The following KCNB2 variants were observed in gnomAD, a reference collection of about 807,000 sequenced individuals.
KCNB2 encodes delayed rectifier potassium channel protein.
KCNB2 carries 15 observed loss-of-function variants against 61.5 expected under a neutral mutation model. That is an observed-to-expected ratio of 0.24 (90% CI 0.16 to 0.38). The LOEUF (loss-of-function observed/expected upper bound fraction) is 0.38. Ranked by LOEUF, KCNB2 falls within the 10% of genes least tolerant of loss-of-function variation. The pLI, the probability that KCNB2 is intolerant of heterozygous loss-of-function variation, is 1.00. For synonymous variants in KCNB2, 457 were observed against 446.0 expected, an observed-to-expected ratio of 1.02 and a Z score of -0.31; for missense variants, 828 against 1,125.2, an observed-to-expected ratio of 0.74 and a Z score of 3.78.
At chr8:72,723,470 G>A (rs1007158082) in intron 2 of KCNB2, among the ~76,000 whole-genome samples, 1 of 152,140 alleles carries the variant, frequency 6.6e-6, no homozygotes, top group African/African-American at 2.4e-5. Flanking sequence ...CAGACTGTGT[G>A]CGCTCTCACA....
chr8:72,543,953 CTAAA>C (rs1195913711), intron 1 of KCNB2, among the ~76,000 whole-genome samples: 6 of 152,234 alleles, frequency 3.9e-5, no homozygotes, highest in African/African-American at 1.4e-4. Flanking sequence ...TAGCGGCTGA[CTAAA>C]TACAAATAAA....
intron 2 of KCNB2, among the ~76,000 whole-genome samples, chr8:72,770,444 A>G (rs1432743247): frequency 6.6e-6 from 1 of 152,226 alleles, no homozygotes; most frequent in South Asian, 2.1e-4. Context: ...TGTTCATAAA[A>G]CAGAGTAAGA....
At chr8:72,745,060 A>T (rs1808034752) in intron 2 of KCNB2, among the ~76,000 whole-genome samples, 1 of 152,194 alleles carries the variant, frequency 6.6e-6, no homozygotes, top group South Asian at 2.1e-4. Context: ...CTGCTACTGC[A>T]GCTCTCTCTT....
At chr8:72,569,693 T>C (rs1003663471) in intron 2 of KCNB2, among the ~76,000 whole-genome samples, 2 of 152,120 alleles carry the variant, frequency 1.3e-5, no homozygotes, top group Non-Finnish European at 2.9e-5. Flanking sequence ...CTCTTTCCAA[T>C]ATCAAGTGTT....
chr8:72,651,716 G>A (rs4467978), intron 2 of KCNB2, among the ~76,000 whole-genome samples: 3 of 151,996 alleles, frequency 2.0e-5, no homozygotes, highest in Non-Finnish European at 2.9e-5. Context: ...ACATCCAGTC[G>A]ATCCAGTAAC....
chr8:72,644,923 A>C (rs1004085777), intron 2 of KCNB2, among the ~76,000 whole-genome samples: 2 of 152,198 alleles, frequency 1.3e-5, no homozygotes, highest in African/African-American at 4.8e-5. Flanking sequence ...GGTGATAGGC[A>C]TGTTGGCTTT....
intron 2 of KCNB2, among the ~76,000 whole-genome samples, chr8:72,832,078 G>T (rs61625890): frequency 6.6e-6 from 1 of 152,194 alleles, no homozygotes; most frequent in South Asian, 2.1e-4. Context: ...AGGAAAGACA[G>T]AATTTGAATC....
At chr8:72,652,046 A>G (rs1390486226) in intron 2 of KCNB2, among the ~76,000 whole-genome samples, 2 of 152,040 alleles carry the variant, frequency 1.3e-5, no homozygotes, top group Non-Finnish European at 2.9e-5. Context: ...TATAAATTTC[A>G]TCTCCATAAT....
chr8:72,637,200 G>T (rs1805980032), intron 2 of KCNB2, among the ~76,000 whole-genome samples: 1 of 152,088 alleles, frequency 6.6e-6, no homozygotes, highest in Non-Finnish European at 1.5e-5. Flanking sequence ...GGATGCGATG[G>T]TTTACTGCAC....
chr8:72,693,860 T>G (rs1806977628), intron 2 of KCNB2, among the ~76,000 whole-genome samples: 1 of 152,172 alleles, frequency 6.6e-6, no homozygotes, highest in South Asian at 2.1e-4. Context: ...AATCAGCAAA[T>G]TATCCTAAAT....
chr8:72,554,622 G>T (rs1806395257), intron 1 of KCNB2, among the ~76,000 whole-genome samples: 1 of 152,064 alleles, frequency 6.6e-6, no homozygotes, highest in South Asian at 2.1e-4. Flanking sequence ...TGCTGAAAAG[G>T]CCCTGGGAAG....
chr8:72,847,127 T>C (rs1436406127), intron 2 of KCNB2, among the ~76,000 whole-genome samples: 1 of 152,186 alleles, frequency 6.6e-6, no homozygotes, highest in African/African-American at 2.4e-5. Context: ...CACTGGGACC[T>C]GCAGACCGGA....
At chr8:72,671,839 AC>A (rs1261374028) in intron 2 of KCNB2, among the ~76,000 whole-genome samples, 1 of 152,200 alleles carries the variant, frequency 6.6e-6, no homozygotes, top group Non-Finnish European at 1.5e-5. Context: ...GAACATACTG[AC>A]AATAGCCTGC....
At chr8:72,704,500 G>GGTGTGTGTGTGT (rs10524175) in intron 2 of KCNB2, among the ~76,000 whole-genome samples, 54 of 147,648 alleles carry the variant, frequency 3.7e-4, no homozygotes, top group East Asian at 3.1e-3. Context: ...AGAGAAAGCT[G>GGTGTGTGTGTGT]GTGTGTGTGT....
At chr8:72,676,726 G>T (rs932812802) in intron 2 of KCNB2, among the ~76,000 whole-genome samples, 1 of 152,012 alleles carries the variant, frequency 6.6e-6, no homozygotes, top group African/African-American at 2.4e-5. Flanking sequence ...AGGTTAGTTG[G>T]GCAAGCAGGG....
intron 2 of KCNB2, among the ~76,000 whole-genome samples, chr8:72,669,381 T>A (rs1806527104): frequency 6.6e-6 from 1 of 152,216 alleles, no homozygotes; most frequent in African/African-American, 2.4e-5. Flanking sequence ...TGAATTTGAC[T>A]AATATATTTA....
At position 72,704,227 on chromosome 8, in the gene KCNB2, A is replaced by G. The variant is rs1211152683; in HGVS notation, c.579+135914A>G. On this transcript the variant is annotated intron_variant, in intron 2 of 2. Coordinates refer to ENST00000523207, the MANE Select transcript of KCNB2 (RefSeq NM_004770.3). ...TATATAAAGGTTGTAGGGCACTACCAAAGTGGAATGGCATTAATGACTACT... is the reference window on the plus strand; with the variant it reads ...TATATAAAGGTTGTAGGGCACTACCGAAGTGGAATGGCATTAATGACTACT... Among the ~76,000 whole-genome samples the G allele has an allele frequency of 2.0e-5, 3 of 152,216 alleles. No individual in the cohort carries two copies. The South Asian group carries it at 6.2e-4, about 31-fold the overall frequency.
chr8:72,872,609 G>T (rs143883690), intron 2 of KCNB2, among the ~76,000 whole-genome samples: 104 of 152,306 alleles, frequency 6.8e-4, no homozygotes, highest in African/African-American at 2.5e-3. Context: ...CCAGTGAATT[G>T]TCACGAGTGG....
At chr8:72,845,643 G>A (rs1253836491) in intron 2 of KCNB2, among the ~76,000 whole-genome samples, 1 of 152,240 alleles carries the variant, frequency 6.6e-6, no homozygotes, top group Non-Finnish European at 1.5e-5. Flanking sequence ...GGCCCAGAGA[G>A]GAGGAATCTA....
Sources: gnomAD v4.1 joint callset for allele counts (sites outside exome capture counted in the v4.1 genomes callset) on GRCh38, gnomAD v4.1.1 for gene constraint, MANE v1.5 for transcripts, NCBI Gene and HGNC (gene_info 2026-07-23, HGNC 2026-07-21) for gene names.